MAP2K1: variants seen among roughly 807,000 people sequenced by gnomAD.
MAP2K1 encodes the protein mitogen-activated protein kinase kinase 1, also known as dual specificity mitogen-activated protein kinase kinase 1.
Under a neutral mutation model 46.3 loss-of-function variants are expected in MAP2K1, and 16 were observed. The ratio of observed to expected loss-of-function variants is 0.35; its 90% CI spans 0.23 to 0.52. The LOEUF is 0.52. MAP2K1 is among the 20% of genes least tolerant of loss of function. The probability of loss-of-function intolerance (pLI) is 0.94; values close to 1 mark genes in which losing one functional copy is unlikely to be tolerated. For synonymous variants in MAP2K1, 183 were observed against 185.6 expected, an observed-to-expected ratio of 0.99 and a Z score of 0.11; for missense variants, 263 against 497.1, an observed-to-expected ratio of 0.53 and a Z score of 4.48.
intron 10 of MAP2K1, 62 bp from the exon 11 acceptor site, chr15:66,490,440 C>G: frequency 8.2e-7 from 1 of 1,217,608 alleles, no homozygotes; most frequent in Non-Finnish European, 1.2e-6. Context: ...ATTTTCCTTC[C>G]TGGTGGGTTT....
intron 1 of MAP2K1, among the ~76,000 whole-genome samples, chr15:66,388,839 C>G (rs1360445909): frequency 6.6e-6 from 1 of 150,554 alleles, no homozygotes; most frequent in East Asian, 1.9e-4. Flanking sequence ...CCTGTGGGGT[C>G]TATTTTGCAT....
At chr15:66,429,356 A>C (rs568584407) in intron 1 of MAP2K1, among the ~76,000 whole-genome samples, 1 of 152,264 alleles carries the variant, frequency 6.6e-6, no homozygotes, top group South Asian at 2.1e-4. Flanking sequence ...ACTCACTGTC[A>C]CAGGAACAAT....
rs59398424 is a variant in MAP2K1 at position 66,449,003 on chromosome 15, C to CAAAA, written c.568+4318_568+4321dup. On this transcript the variant is annotated intron_variant, in intron 5 of 10. Coordinates refer to ENST00000307102, the MANE Select transcript of MAP2K1 (RefSeq NM_002755.4). The stretch of plus-strand genomic sequence containing the variant: ...CAGGCAACAGTGTGAGACACTGTCT[C>CAAAA]AAAAAAAAAAAAAAAAAAAAAAAAA... Among the ~76,000 whole-genome samples the CAAAA allele has an allele frequency of 5.5e-3, 260 of 47,052 alleles. 1 individual carries two copies. Among genetic ancestry groups the CAAAA allele is most frequent in the Non-Finnish European group, 6.2e-3 (170 of 27,542 alleles). The allele number at this position is 47,052 out of a possible 152,430, so 30.9% of individuals were successfully genotyped here.
intron 5 of MAP2K1, among the ~76,000 whole-genome samples, chr15:66,469,693 G>GACACACACACAC (rs56197290): frequency 0.11 from 9,169 of 84,814 alleles, 764 homozygotes; most frequent in East Asian, 0.17. Context: ...TCCTTTTAAA[G>GACACACACACAC]ACACACACAC....
rs757731747 is a variant in MAP2K1, at chr15:66,478,506, AT to A, written c.569-3239del. On this transcript the variant is annotated intron_variant, in intron 5 of 10. Coordinates refer to ENST00000307102, the MANE Select transcript of MAP2K1 (RefSeq NM_002755.4). ...TATATATAGAGGTATATATATATAT[AT>A]TTTTTTTTTGAGACAAGAGTGTCAC... Among the ~76,000 whole-genome samples the A allele has an allele frequency of 1.6e-4, 23 of 141,442 alleles. No individual in the cohort carries two copies. The South Asian group carries it at 2.2e-3, about 14-fold the overall frequency. 92.8% of individuals were successfully genotyped at this position (141,442 alleles called of 152,430 possible).
chr15:66,415,589 G>A (rs1180996076), intron 1 of MAP2K1, among the ~76,000 whole-genome samples: 1 of 152,056 alleles, frequency 6.6e-6, no homozygotes, highest in Non-Finnish European at 1.5e-5. Flanking sequence ...CCTGGCTGCT[G>A]TGGTGTTCAA....
chr15:66,439,891 C>A (rs961613680), intron 3 of MAP2K1, among the ~76,000 whole-genome samples: 1 of 149,160 alleles, frequency 6.7e-6, no homozygotes, highest in East Asian at 2.0e-4. Context: ...GCTGAGACCA[C>A]GCCATTGCAC....
In MAP2K1 at chr15:66,421,378, C is replaced by T. The variant is rs79977325; in HGVS notation, c.81-13649C>T. On this transcript the variant is annotated intron_variant, in intron 1 of 10. Coordinates refer to ENST00000307102, the MANE Select transcript of MAP2K1 (RefSeq NM_002755.4). The stretch of plus-strand genomic sequence containing the variant: ...CTCAAACTCCTGAGCTCAAGCGATC[C>T]GCTTTGGCCTTCCAAAGTGCCAGGA... Among the ~76,000 whole-genome samples, 1,502 of 151,702 alleles carry T rather than the reference C, an allele frequency of 9.9e-3. 56 individuals are homozygous for T. The highest frequency in any genetic ancestry group is 0.062 in the East Asian group (322 of 5,170).
chr15:66,399,113 T>A (rs779284339), intron 1 of MAP2K1, among the ~76,000 whole-genome samples: 5 of 152,174 alleles, frequency 3.3e-5, no homozygotes, highest in African/African-American at 1.2e-4. Flanking sequence ...ACAGATATTA[T>A]ATAGGAGAAT....
intron 3 of MAP2K1, 119 bp from the exon 4 acceptor site, chr15:66,443,161 A>C: frequency 1.6e-6 from 1 of 606,832 alleles, no homozygotes; most frequent in African/African-American, 2.1e-5. Flanking sequence ...ATCTCGGCTC[A>C]CTGCAAGCTC....
intron 1 of MAP2K1, among the ~76,000 whole-genome samples, chr15:66,419,374 G>C (rs557752056): frequency 3.0e-4 from 45 of 152,038 alleles, no homozygotes; most frequent in Non-Finnish European, 4.3e-4. Context: ...ACAAAAATTA[G>C]TCGGGCGTGG....
intron 1 of MAP2K1, among the ~76,000 whole-genome samples, chr15:66,433,007 G>A (rs11632225): frequency 0.24 from 15,789 of 67,160 alleles, 1,064 homozygotes; most frequent in Non-Finnish European, 0.32. Flanking sequence ...TGTGTTGACA[G>A]CTTTTCGAAT....
chr15:66,419,223 C>T (rs1169021010), intron 1 of MAP2K1, among the ~76,000 whole-genome samples: 1 of 151,828 alleles, frequency 6.6e-6, no homozygotes, highest in Non-Finnish European at 1.5e-5. Flanking sequence ...AAGCCTGATC[C>T]TTTAAAAATT....
chr15:66,432,958 CAG>C (rs2093478412), intron 1 of MAP2K1, among the ~76,000 whole-genome samples: 1 of 37,484 alleles, frequency 2.7e-5, no homozygotes, highest in Non-Finnish European at 7.1e-5. Flanking sequence ...CCATCATGCA[CAG>C]TGTGTGTGTG....
chr15:66,417,475 G>A (rs955219212), intron 1 of MAP2K1, among the ~76,000 whole-genome samples: 5 of 152,106 alleles, frequency 3.3e-5, no homozygotes, highest in African/African-American at 1.2e-4. Context: ...AGAAACTGAG[G>A]TGGGAGGGAG....
At chr15:66,388,211 A>G (rs2093347324) in intron 1 of MAP2K1, among the ~76,000 whole-genome samples, 1 of 151,194 alleles carries the variant, frequency 6.6e-6, no homozygotes, top group African/African-American at 2.4e-5. Flanking sequence ...GTTGCTTACA[A>G]ACGAGCACTT....
chr15:66,417,620 C>T (rs777476163), intron 1 of MAP2K1, among the ~76,000 whole-genome samples: 2 of 152,130 alleles, frequency 1.3e-5, no homozygotes, highest in Non-Finnish European at 2.9e-5. Context: ...GCATTGACTT[C>T]CAGTCCTGAT....
chr15:66,485,269 A>T lies in MAP2K1; in HGVS notation c.895+78A>T, dbSNP rs936667662. 5.2e-6 allele frequency: 7 copies of T among 1,336,436 alleles called. No individual in the cohort carries two copies. The African/African-American group carries it at 8.7e-5, about 17-fold the overall frequency. 82.8% of individuals were successfully genotyped at this position (1,336,436 alleles called of 1,614,324 possible). A position where few individuals can be genotyped will look rare whatever the true frequency, so the allele number is the denominator to read the frequency against. ...ACTTTCAGGGGTTTCTGGAGGGCTG[A>T]TTCTCTGTACATTCTGCCAAGACTG... On this transcript the variant is annotated intron_variant, in intron 7 of 10. Transcript: ENST00000307102.
intron 5 of MAP2K1, among the ~76,000 whole-genome samples, chr15:66,449,724 A>G (rs1891984403): frequency 6.6e-6 from 1 of 152,138 alleles, no homozygotes; most frequent in African/African-American, 2.4e-5. Context: ...TACTAAAAAT[A>G]CAAAAATTAA....
Sources: allele counts gnomAD v4.1 joint callset (sites outside exome capture counted in the v4.1 genomes callset), GRCh38; gene constraint gnomAD v4.1.1; transcripts MANE v1.5; gene names NCBI Gene and HGNC (gene_info 2026-07-23, HGNC 2026-07-21).